The following MCC variants were observed in gnomAD, a reference collection of about 807,000 sequenced individuals.
MCC encodes MCC regulator of Wnt signaling pathway.
Under a neutral mutation model 116.2 loss-of-function variants are expected in MCC, and 90 were observed. That is an observed-to-expected ratio of 0.77 (90% CI 0.65 to 0.92). The LOEUF (loss-of-function observed/expected upper bound fraction) is 0.92. Ranked by LOEUF, MCC falls within the 40% of genes least tolerant of loss-of-function variation. The probability of loss-of-function intolerance (pLI) is 0.00; values close to 1 mark genes in which losing one functional copy is unlikely to be tolerated. For missense variants in MCC, 1,516 were observed against 1,312.2 expected, an observed-to-expected ratio of 1.16 and a Z score of -2.40; for synonymous variants, 578 against 510.5, an observed-to-expected ratio of 1.13 and a Z score of -1.78.
chr5:113,215,713 T>C (rs1763289346), intron 3 of MCC, among the ~76,000 whole-genome samples: 1 of 152,184 alleles, frequency 6.6e-6, no homozygotes, highest in Non-Finnish European at 1.5e-5. Context: ...GCCGGCGCAA[T>C]GATCTTGGAC....
chr5:113,207,304 G>T (rs1160055280), intron 3 of MCC, among the ~76,000 whole-genome samples: 1 of 152,132 alleles, frequency 6.6e-6, no homozygotes, highest in Non-Finnish European at 1.5e-5. Flanking sequence ...GAATGAGATG[G>T]CAGAGGAAAG....
intron 1 of MCC, among the ~76,000 whole-genome samples, chr5:113,386,509 G>C (rs879392978): frequency 6.6e-6 from 1 of 151,796 alleles, no homozygotes; most frequent in South Asian, 2.1e-4. Context: ...CAGGGTCTGA[G>C]TTATCATCAA....
intron 4 of MCC, among the ~76,000 whole-genome samples, chr5:113,145,766 ACACACACACACACACACAAACAC>A (rs1759467503): frequency 8.3e-5 from 4 of 48,034 alleles, no homozygotes; most frequent in Admixed American, 2.6e-4. Flanking sequence ...ACACACACAC[ACACACACACACACACACAAACAC>A]ACACACACAC....
chr5:113,168,995 C>T (rs1458135789), intron 3 of MCC, among the ~76,000 whole-genome samples: 2 of 152,224 alleles, frequency 1.3e-5, no homozygotes, highest in Non-Finnish European at 2.9e-5. Context: ...GCTAAGCAAA[C>T]GGCTTTAAGA....
At chr5:113,321,773 T>TA (rs1391396768) in intron 3 of MCC, among the ~76,000 whole-genome samples, 3 of 152,238 alleles carry the variant, frequency 2.0e-5, no homozygotes, top group African/African-American at 7.2e-5. Context: ...GAGAGCTGGT[T>TA]AAAATGCAGA....
intron 3 of MCC, among the ~76,000 whole-genome samples, chr5:113,186,238 C>G (rs968356505): frequency 6.6e-5 from 10 of 152,150 alleles, no homozygotes; most frequent in African/African-American, 2.4e-4. Flanking sequence ...ACAGGGAAAT[C>G]CAGAGCGTGG....
chr5:113,262,094 ATTT>A (rs35969668), intron 3 of MCC, among the ~76,000 whole-genome samples: 11 of 151,160 alleles, frequency 7.3e-5, no homozygotes, highest in African/African-American at 1.9e-4. Context: ...TTTAATTTTT[ATTT>A]TTTTTTAAGT....
intron 17 of MCC, among the ~76,000 whole-genome samples, chr5:113,036,911 T>C (rs1751367858): frequency 6.6e-6 from 1 of 152,256 alleles, no homozygotes; most frequent in Non-Finnish European, 1.5e-5. Flanking sequence ...TGCGTGCTAA[T>C]GAAGCCACAG....
intron 3 of MCC, among the ~76,000 whole-genome samples, chr5:113,276,615 A>G (rs1765833242): frequency 6.6e-6 from 1 of 152,102 alleles, no homozygotes; most frequent in Non-Finnish European, 1.5e-5. Flanking sequence ...GGACTATCAG[A>G]GTTATTAAAA....
chr5:113,326,056 G>A (rs2150372968), intron 3 of MCC, among the ~76,000 whole-genome samples: 1 of 152,298 alleles, frequency 6.6e-6, no homozygotes, highest in African/African-American at 2.4e-5. Flanking sequence ...TAAATTAGAT[G>A]TTTTGTCTAG....
At chr5:113,466,164 A>G (rs446272) in intron 1 of MCC, among the ~76,000 whole-genome samples, 137,914 of 151,452 alleles carry the variant, frequency 0.91, 63,090 homozygotes, top group African/African-American at 0.98. Flanking sequence ...GAAGTTGAGT[A>G]GCCATTCTTT....
intron 1 of MCC, among the ~76,000 whole-genome samples, chr5:113,393,336 T>C (rs1232699110): frequency 2.0e-5 from 3 of 152,182 alleles, no homozygotes; most frequent in Non-Finnish European, 2.9e-5. Context: ...TAAAGCCGAT[T>C]CAAAATAAGT....
intron 1 of MCC, among the ~76,000 whole-genome samples, chr5:113,441,925 T>C (rs773240810): frequency 2.0e-5 from 3 of 152,238 alleles, no homozygotes; most frequent in Non-Finnish European, 2.9e-5. Context: ...TCCAAGTCTC[T>C]GCTATGGTGA....
intron 3 of MCC, chr5:113,234,367 G>T (rs1370631322): frequency 6.6e-6 from 1 of 151,970 alleles, no homozygotes; most frequent in Non-Finnish European, 1.5e-5. Context: ...AAAATCAAGG[G>T]TCATGATCCT....
intron 3 of MCC, among the ~76,000 whole-genome samples, chr5:113,276,631 GTTGT>G (rs1269704830): frequency 3.9e-5 from 6 of 152,036 alleles, no homozygotes; most frequent in Admixed American, 1.3e-4. Context: ...TAAAAATCAA[GTTGT>G]TTGTTTTTTG....
intron 11 of MCC, among the ~76,000 whole-genome samples, chr5:113,074,193 G>A (rs1256495354): frequency 6.6e-6 from 1 of 152,238 alleles, no homozygotes; most frequent in Non-Finnish European, 1.5e-5. Flanking sequence ...TCCAGAGGAA[G>A]GATCAGGCAG....
chr5:113,028,382 T>G (rs2416300), intron 18 of MCC, among the ~76,000 whole-genome samples: 22 of 42,064 alleles, frequency 5.2e-4, no homozygotes, highest in East Asian at 1.4e-3. Context: ...AAAATGCCAT[T>G]TTTTTTTTTG....
Position 113,023,404 on chromosome 5 carries a change from GTA to G in MCC, c.*3896_*3897del, listed in dbSNP as rs971606404. On this transcript the variant is annotated 3_prime_UTR_variant, in exon 19 of 19. Coordinates refer to ENST00000408903, the MANE Select transcript of MCC (RefSeq NM_001085377.2). ...TTCCCACTGGATAAGAAAATTTGCT[GTA>G]TGTTTTCCTGAAAAATTTTATAGTG... 1 of 152,186 alleles carries G rather than the reference GTA, an allele frequency of 6.6e-6. No homozygotes were observed. Among genetic ancestry groups the G allele is most frequent in the Non-Finnish European group, 1.5e-5 (1 of 68,028 alleles). 9.4% of individuals were successfully genotyped at this position (152,186 alleles called of 1,614,324 possible). A position where few individuals can be genotyped will look rare whatever the true frequency, so the allele number is the denominator to read the frequency against.
At chr5:113,039,398 A>G (rs1010839739) in intron 17 of MCC, among the ~76,000 whole-genome samples, 4 of 152,048 alleles carry the variant, frequency 2.6e-5, no homozygotes, top group African/African-American at 9.7e-5. Context: ...GACATATGCC[A>G]TTGCTTCACA....
Sources: gnomAD v4.1 joint callset for allele counts (sites outside exome capture counted in the v4.1 genomes callset) on GRCh38, gnomAD v4.1.1 for gene constraint, MANE v1.5 for transcripts, NCBI Gene and HGNC (gene_info 2026-07-23, HGNC 2026-07-21) for gene names.